Variants in SLIT1 observed in about 807,000 individuals in gnomAD.
SLIT1 encodes the protein slit homolog 1 protein.
Under a neutral mutation model 186.1 loss-of-function variants are expected in SLIT1, and 66 were observed. The observed-to-expected ratio is 0.35, with a 90% CI of 0.29 to 0.44. The LOEUF (loss-of-function observed/expected upper bound fraction) is 0.44. Among genes scored for constraint, SLIT1 ranks in the 20% least tolerant of loss-of-function variants. The pLI, the probability that SLIT1 is intolerant of heterozygous loss-of-function variation, is 1.00. For missense variants in SLIT1, 1,638 were observed against 2,037.4 expected, an observed-to-expected ratio of 0.80 and a Z score of 3.77; for synonymous variants, 761 against 833.8, an observed-to-expected ratio of 0.91 and a Z score of 1.50.
chr10:97,061,418 C>T (rs1046157888), intron 8 of SLIT1, among the ~76,000 whole-genome samples: 2 of 152,246 alleles, frequency 1.3e-5, no homozygotes, highest in African/African-American at 4.8e-5. Flanking sequence ...GGTGGGACCA[C>T]TACCTAGACA....
In SLIT1 at chr10:97,185,836, C is replaced by A; in HGVS notation, c.-162G>T. 4 of 581,720 alleles carry A rather than the reference C, an allele frequency of 6.9e-6. No homozygotes were observed. Among genetic ancestry groups the A allele is most frequent in the Non-Finnish European group, 1.1e-5 (4 of 362,362 alleles). 36.0% of individuals were successfully genotyped at this position (581,720 alleles called of 1,614,324 possible). A position where few individuals can be genotyped will look rare whatever the true frequency, so the allele number is the denominator to read the frequency against. ...CTGGGAGGCACCTTGCTCCTCCAAG[C>A]GACGGCGCCTGTGCGCGGACGGAGG... On this transcript the variant is annotated 5_prime_UTR_variant, in exon 1 of 37. Coordinates refer to ENST00000266058, the MANE Select transcript of SLIT1 (RefSeq NM_003061.3).
intron 4 of SLIT1, among the ~76,000 whole-genome samples, chr10:97,144,852 A>G (rs1849800627): frequency 1.3e-5 from 2 of 152,220 alleles, no homozygotes; most frequent in African/African-American, 4.8e-5. Flanking sequence ...TCATAATCAC[A>G]ATACCTGCAC....
chr10:97,011,092 C>G lies in SLIT1; in HGVS notation c.3242G>C (p.Ser1081Thr). Residue 1081 changes from serine (S) to threonine (T), a missense_variant, in exon 31 of 37, where the codon AGT (serine) becomes ACT (threonine). Ser to Thr is a moderately conservative substitution (Grantham distance 58, BLOSUM62 1). Around this residue, in one of 3 missense-constraint regions of SLIT1, gnomAD observed 1,245 missense variants for 1,535.3 expected, o/e 0.81. Transcript: ENST00000266058. ...CMPGYAGDNC[S>T]ENQDDCRDHR... ...GTCCCTGCAGTCATCCTGGTTCTCA[C>G]TGCAGTTGTCACCTGCATAACCTGG... 1 of 1,613,952 alleles carries G rather than the reference C, an allele frequency of 6.2e-7. No individual in the cohort carries two copies. The highest frequency in any genetic ancestry group is 1.1e-5 in the South Asian group (1 of 91,076).
At chr10:97,025,264 T>C (rs750279148) in intron 25 of SLIT1, among the ~76,000 whole-genome samples, 13 of 151,994 alleles carry the variant, frequency 8.6e-5, no homozygotes, top group Non-Finnish European at 1.9e-4. Context: ...AACTTGTGGC[T>C]CATGCCACAC....
chr10:97,179,426 C>CA (rs1236790321), intron 1 of SLIT1, among the ~76,000 whole-genome samples: 1 of 151,974 alleles, frequency 6.6e-6, no homozygotes, highest in African/African-American at 2.4e-5. Flanking sequence ...GATCCCGTCT[C>CA]AAAAAAATCA....
rs1056279746 is a variant in SLIT1, at chr10:97,064,242, A to G, written c.558-3T>C. ...TGATATTGTTGTTGTTCAGGGTCCT[A>G]AATGGGAAAAACCAGAGTCATTTAG... On this transcript the variant is annotated splice_region_variant and splice_polypyrimidine_tract_variant and intron_variant, in intron 6 of 36. Coordinates refer to ENST00000266058, the MANE Select transcript of SLIT1 (RefSeq NM_003061.3). 14 of 1,613,140 alleles carry G rather than the reference A, an allele frequency of 8.7e-6. No individual in the cohort carries two copies. The highest frequency in any genetic ancestry group is 1.2e-5 in the Non-Finnish European group (14 of 1,179,582).
intron 12 of SLIT1, 99 bp downstream of exon 12, chr10:97,057,111 T>A: frequency 1.2e-6 from 1 of 866,598 alleles, no homozygotes. Flanking sequence ...CTCAATTGAG[T>A]CCCATACCCA....
intron 11 of SLIT1, 64 bp downstream of exon 11, chr10:97,059,396 G>A (rs1257995442): frequency 1.5e-6 from 2 of 1,359,508 alleles, no homozygotes; most frequent in Non-Finnish European, 2.1e-6. Flanking sequence ...CAGGACCCTG[G>A]GCCCTGCCAG....
At position 97,037,394 on chromosome 10, in the gene SLIT1, C is replaced by T. The variant is rs1458832518; in HGVS notation, c.2366+304G>A. Among the ~76,000 whole-genome samples, 4 of 152,242 alleles carry T rather than the reference C, an allele frequency of 2.6e-5. No homozygotes were observed. In the East Asian group the frequency reaches 7.7e-4, roughly 29 times the overall value. ...GGGATTACAGGTGTGAGCCACCGTGCCCGCCCGACCAGGATAACCCTTTTA... is the reference window on the plus strand; with the variant it reads ...GGGATTACAGGTGTGAGCCACCGTGTCCGCCCGACCAGGATAACCCTTTTA... On this transcript the variant is annotated intron_variant, in intron 22 of 36. Transcript: ENST00000266058.
chr10:97,017,246 A>G (rs1254230796), intron 28 of SLIT1, among the ~76,000 whole-genome samples: 2 of 152,244 alleles, frequency 1.3e-5, no homozygotes, highest in East Asian at 3.9e-4. Context: ...CTGGGTGCAG[A>G]GTGTAAGGAC....
At chr10:97,058,677 A>G (rs563763632) in intron 11 of SLIT1, among the ~76,000 whole-genome samples, 1 of 152,186 alleles carries the variant, frequency 6.6e-6, no homozygotes, top group African/African-American at 2.4e-5. Flanking sequence ...GGGGAGTTCT[A>G]TTCCGTTGTA....
intron 1 of SLIT1, among the ~76,000 whole-genome samples, chr10:97,176,913 G>A (rs1589423440): frequency 6.6e-6 from 1 of 152,134 alleles, no homozygotes; most frequent in East Asian, 1.9e-4. Context: ...CCTCTAATGT[G>A]GGTGGGAGCT....
intron 4 of SLIT1, among the ~76,000 whole-genome samples, chr10:97,097,150 G>A (rs1458179754): frequency 2.0e-5 from 3 of 152,192 alleles, no homozygotes; most frequent in Non-Finnish European, 4.4e-5. Flanking sequence ...TCCACGTCCT[G>A]CACACACACT....
rs1848300347 is a variant in SLIT1 at position 97,000,863 on chromosome 10, G to T, written c.*249C>A. ...TTCACTCAACAAATATTTATTAAGC[G>T]CCTATTTGTGCAAGGCACTTCCGGA... is the stretch of plus-strand genomic sequence containing the variant. On this transcript the variant is annotated 3_prime_UTR_variant, in exon 37 of 37. Transcript: ENST00000266058. 5.5e-6 allele frequency: 3 copies of T among 542,518 alleles called. No homozygotes were observed. The highest frequency in any genetic ancestry group is 9.9e-6 in the Non-Finnish European group (3 of 302,934). 33.6% of individuals were successfully genotyped at this position (542,518 alleles called of 1,614,324 possible). A position where few individuals can be genotyped will look rare whatever the true frequency, so the allele number is the denominator to read the frequency against.
intron 4 of SLIT1, among the ~76,000 whole-genome samples, chr10:97,149,531 C>T (rs762142819): frequency 1.3e-5 from 2 of 152,062 alleles, no homozygotes; most frequent in Non-Finnish European, 2.9e-5. Flanking sequence ...CCATGCCTGA[C>T]GGGGAGCAAG....
chr10:97,185,040 A>G (rs1191515980), intron 1 of SLIT1, among the ~76,000 whole-genome samples: 1 of 152,244 alleles, frequency 6.6e-6, no homozygotes, highest in East Asian at 1.9e-4. Context: ...AAGCTCTGGG[A>G]GCGGGAATCT....
intron 4 of SLIT1, among the ~76,000 whole-genome samples, chr10:97,093,519 T>C (rs369070702): frequency 1.3e-5 from 2 of 152,202 alleles, no homozygotes; most frequent in South Asian, 2.1e-4. Flanking sequence ...AAAGCCCATA[T>C]GAGATGGCTG....
At chr10:97,029,757 A>T (rs953234239) in intron 25 of SLIT1, among the ~76,000 whole-genome samples, 1 of 152,202 alleles carries the variant, frequency 6.6e-6, no homozygotes, top group Non-Finnish European at 1.5e-5. Flanking sequence ...ACCCCAAAAG[A>T]ACTCTGTGCT....
chr10:97,018,803 C>T, intron 27 of SLIT1, 120 bp from the exon 28 acceptor site: 2 of 681,134 alleles, frequency 2.9e-6, no homozygotes, highest in African/African-American at 1.8e-5. Flanking sequence ...TGTTTTCATT[C>T]ATTCATTCGT....
Sources: allele counts gnomAD v4.1 joint callset (sites outside exome capture counted in the v4.1 genomes callset), GRCh38; gene constraint gnomAD v4.1.1; regional missense constraint gnomAD v4.1.1; transcripts MANE v1.5; gene names NCBI Gene and HGNC (gene_info 2026-07-23, HGNC 2026-07-21).